ITGAM: variants seen among roughly 807,000 people sequenced by gnomAD.
The protein encoded by ITGAM is integrin alpha-M.
In ITGAM, 79 loss-of-function variants were observed where a neutral mutation model predicts 137.5. The observed-to-expected ratio is 0.57, with a 90% CI of 0.48 to 0.69. The LOEUF is 0.69. Ranked by LOEUF, ITGAM falls within the 30% of genes least tolerant of loss-of-function variation. ITGAM has a pLI of 0.00. For synonymous variants in ITGAM, 583 were observed against 592.3 expected (o/e 0.98, Z 0.23); for missense variants, 1,343 against 1,483.5 (o/e 0.91, Z 1.56).
intron 1 of ITGAM, among the ~76,000 whole-genome samples, chr16:31,260,299 T>C (rs918618048): frequency 1.3e-5 from 2 of 152,152 alleles, no homozygotes; most frequent in Non-Finnish European, 2.9e-5. Flanking sequence ...ACCACATTCA[T>C]GGACTGTGCA....
intron 12 of ITGAM, among the ~76,000 whole-genome samples, chr16:31,290,522 A>G (rs2144358561): frequency 6.6e-6 from 1 of 152,352 alleles, no homozygotes; most frequent in East Asian, 1.9e-4. Flanking sequence ...TAATTTGACA[A>G]CATACAACAT....
Position 31,331,732 on chromosome 16 carries a change from T to A in ITGAM, c.*25T>A. 1 of 1,559,924 alleles carries A rather than the reference T, an allele frequency of 6.4e-7. No homozygotes were observed. The highest frequency in any genetic ancestry group is 8.7e-7 in the Non-Finnish European group (1 of 1,148,814). On this transcript the variant is annotated 3_prime_UTR_variant, in exon 30 of 30. Transcript: ENST00000544665. ...GCGGCTCCTTCCCGACAGAGCTGCCTCTCGGTGGCCAGCAGGACTCTGCCC... is the reference window on the plus strand; with the variant it reads ...GCGGCTCCTTCCCGACAGAGCTGCCACTCGGTGGCCAGCAGGACTCTGCCC...
At chr16:31,328,000 G>C in intron 22 of ITGAM, 147 bp from the exon 23 acceptor site, 1 of 662,442 alleles carries the variant, frequency 1.5e-6, no homozygotes, top group South Asian at 1.7e-5. Context: ...GGGCTAGGCG[G>C]GGGCAGGGGT....
At chr16:31,322,243 G>T (rs1597035233) in intron 16 of ITGAM, among the ~76,000 whole-genome samples, 1 of 152,090 alleles carries the variant, frequency 6.6e-6, no homozygotes, top group African/African-American at 2.4e-5. Flanking sequence ...GATCACTTGA[G>T]CCCAGGAGGT....
At position 31,270,939 on chromosome 16, in the gene ITGAM, T is replaced by C; in HGVS notation, c.428-15T>C. The C allele has an allele frequency of 1.4e-6, 2 of 1,466,520 alleles. No individual in the cohort carries two copies. Among genetic ancestry groups the C allele is most frequent in the Middle Eastern group, 1.8e-4 (1 of 5,506 alleles). 90.8% of individuals were successfully genotyped at this position (1,466,520 alleles called of 1,614,324 possible). A position where few individuals can be genotyped will look rare whatever the true frequency, so the allele number is the denominator to read the frequency against. On this transcript the variant is annotated splice_polypyrimidine_tract_variant and intron_variant, in intron 5 of 29. Coordinates refer to ENST00000544665, the MANE Select transcript of ITGAM (RefSeq NM_000632.4). ...TGTCAAATTACTTGATTCATACTCT[T>C]TTCCCCTTCCCCAGGGTGTCCTCAA... is the stretch of plus-strand genomic sequence containing the variant.
chr16:31,265,215 T>C (rs2079750797), intron 2 of ITGAM, among the ~76,000 whole-genome samples, 180 bp from the exon 3 acceptor site: 1 of 152,050 alleles, frequency 6.6e-6, no homozygotes, highest in South Asian at 2.1e-4. Context: ...AGGAAGACCT[T>C]TTCTCATTCT....
chr16:31,283,383 C>T (rs1050207475), intron 12 of ITGAM, among the ~76,000 whole-genome samples: 1 of 152,202 alleles, frequency 6.6e-6, no homozygotes, highest in Non-Finnish European at 1.5e-5. Context: ...GGTCTTTTCA[C>T]ATAGTCCCAT....
chr16:31,299,599 G>A (rs568902657), intron 14 of ITGAM, among the ~76,000 whole-genome samples: 21 of 152,226 alleles, frequency 1.4e-4, no homozygotes, highest in Admixed American at 6.5e-4. Flanking sequence ...GTGAGCCACC[G>A]CACCCTGCCA....
chr16:31,260,331 G>C (rs1358156920), intron 1 of ITGAM, among the ~76,000 whole-genome samples: 1 of 152,148 alleles, frequency 6.6e-6, no homozygotes, highest in Admixed American at 6.6e-5. Context: ...CGGTCCCCTT[G>C]CTTCACACAT....
chr16:31,327,000 G>A, intron 22 of ITGAM, 65 bp downstream of exon 22: 3 of 1,229,794 alleles, frequency 2.4e-6, no homozygotes, highest in Non-Finnish European at 3.6e-6. Context: ...CTGGCCCATG[G>A]TGGGCCTTTG....
intron 12 of ITGAM, among the ~76,000 whole-genome samples, chr16:31,296,672 A>G (rs541467057): frequency 6.6e-6 from 1 of 152,134 alleles, no homozygotes; most frequent in East Asian, 1.9e-4. Flanking sequence ...TGCTATACAC[A>G]TCTCCCTGTT....
chr16:31,287,751 T>A (rs2080043908), intron 12 of ITGAM, among the ~76,000 whole-genome samples: 2 of 152,182 alleles, frequency 1.3e-5, no homozygotes, highest in Non-Finnish European at 2.9e-5. Flanking sequence ...TTGCCAATAG[T>A]CAAATTCTTC....
chr16:31,327,875 T>C (rs1459797050), intron 22 of ITGAM, among the ~76,000 whole-genome samples: 1 of 152,116 alleles, frequency 6.6e-6, no homozygotes, highest in Non-Finnish European at 1.5e-5. Flanking sequence ...CATATTTGCA[T>C]GTTAGAACGA....
chr16:31,326,764 C>A, intron 21 of ITGAM, 92 bp from the exon 22 acceptor site: 1 of 873,832 alleles, frequency 1.1e-6, no homozygotes, highest in South Asian at 1.4e-5. Flanking sequence ...ATGGATGGGC[C>A]ATATTTCATG....
rs970758892 is a variant in ITGAM, at chr16:31,295,867, G to T, written c.1357-1647G>T. ...GTTTGTTGTGGGCTTGTCGTATATG[G>T]CCTTTATCATATTGAGGTACATTCC... On this transcript the variant is annotated intron_variant, in intron 12 of 29. Coordinates refer to ENST00000544665, the MANE Select transcript of ITGAM (RefSeq NM_000632.4). 5.9e-5 allele frequency among the ~76,000 whole-genome samples: 9 copies of T among 151,832 alleles called. No individual in the cohort carries two copies. In the South Asian group the frequency reaches 1.9e-3, roughly 32 times the overall value.
chr16:31,285,250 C>G (rs888363874), intron 12 of ITGAM, among the ~76,000 whole-genome samples: 4 of 152,120 alleles, frequency 2.6e-5, no homozygotes, highest in African/African-American at 9.7e-5. Context: ...ATGAGTTGAT[C>G]TTTAACCAGA....
chr16:31,329,935 G>A (rs771287151), intron 25 of ITGAM, 30 bp downstream of exon 25: 5 of 1,543,840 alleles, frequency 3.2e-6, no homozygotes, highest in South Asian at 1.2e-5. Flanking sequence ...ACTCCTGCAC[G>A]GCCCTGCGCG....
At chr16:31,306,264 T>C (rs2080263626) in intron 14 of ITGAM, among the ~76,000 whole-genome samples, 1 of 152,202 alleles carries the variant, frequency 6.6e-6, no homozygotes, top group South Asian at 2.1e-4. Context: ...TTCATAATTC[T>C]CTTAACAAGG....
chr16:31,270,723 A>G lies in ITGAM; in HGVS notation c.428-231A>G, dbSNP rs1257473101. 9.0e-4 allele frequency among the ~76,000 whole-genome samples: 97 copies of G among 107,764 alleles called. 2 individuals carry two copies. The highest frequency in any genetic ancestry group is 4.4e-3 in the Middle Eastern group (1 of 228). 70.7% of individuals were successfully genotyped at this position (107,764 alleles called of 152,430 possible). On this transcript the variant is annotated intron_variant, in intron 5 of 29. Coordinates refer to ENST00000544665, the MANE Select transcript of ITGAM (RefSeq NM_000632.4). Reference sequence around the variant, plus strand: ...TGTATATATATATATATATATATATATATATATATATATATATATATGTTT... The same window carrying G: ...TGTATATATATATATATATATATATGTATATATATATATATATATATGTTT...
Sources: gnomAD v4.1 joint callset for allele counts (sites outside exome capture counted in the v4.1 genomes callset) on GRCh38, gnomAD v4.1.1 for gene constraint, MANE v1.5 for transcripts, NCBI Gene and HGNC (gene_info 2026-07-23, HGNC 2026-07-21) for gene names.